Variants in ENPP1 observed in about 807,000 individuals in gnomAD.
ENPP1 encodes the protein ectonucleotide pyrophosphatase/phosphodiesterase family member 1.
Under a neutral mutation model 122.8 loss-of-function variants are expected in ENPP1, and 73 were observed. That is an observed-to-expected ratio of 0.59 (90% CI 0.49 to 0.72). The LOEUF is 0.72. Ranked by LOEUF, ENPP1 falls within the 30% of genes least tolerant of loss-of-function variation. The pLI, the probability that ENPP1 is intolerant of heterozygous loss-of-function variation, is 0.00. For missense variants in ENPP1, 978 were observed against 1,128.1 expected, an observed-to-expected ratio of 0.87 and a Z score of 1.91; for synonymous variants, 367 against 391.6, an observed-to-expected ratio of 0.94 and a Z score of 0.74.
intron 1 of ENPP1, among the ~76,000 whole-genome samples, chr6:131,822,458 A>G (rs1005158403): frequency 6.6e-6 from 1 of 152,158 alleles, no homozygotes; most frequent in Non-Finnish European, 1.5e-5. Context: ...TATTTTCCCC[A>G]TTGCTATAAA....
At chr6:131,849,332 G>A (rs1781852489) in intron 2 of ENPP1, among the ~76,000 whole-genome samples, 1 of 152,108 alleles carries the variant, frequency 6.6e-6, no homozygotes, top group Admixed American at 6.5e-5. Flanking sequence ...AGTAATTGAG[G>A]GGAAGGACAA....
chr6:131,870,850 G>A (rs1466109448), intron 13 of ENPP1, among the ~76,000 whole-genome samples: 5 of 152,234 alleles, frequency 3.3e-5, no homozygotes, highest in South Asian at 4.1e-4. Context: ...AGGCCGAGGC[G>A]GGCGGATCAT....
chr6:131,868,168 TGAA>T, intron 12 of ENPP1, 42 bp downstream of exon 12: 1 of 1,426,896 alleles, frequency 7.0e-7, no homozygotes, highest in Admixed American at 1.7e-5. Context: ...GATAAAGGGC[TGAA>T]GAAAGTTTAC....
At position 131,826,567 on chromosome 6, in the gene ENPP1, T is replaced by A. The variant is rs1465789355; in HGVS notation, c.240+18292T>A. On this transcript the variant is annotated intron_variant, in intron 1 of 24. Transcript: ENST00000647893. The stretch of plus-strand genomic sequence containing the variant: ...TTCCTTTAGGTCTAACTCATGCAAA[T>A]TATTCAGGCTGAAAATGGAGTATGG... 4 of 1,222,778 alleles carry A rather than the reference T, an allele frequency of 3.3e-6. No homozygotes were observed. The African/African-American group carries it at 5.9e-5, about 18-fold the overall frequency. 75.7% of individuals were successfully genotyped at this position (1,222,778 alleles called of 1,614,324 possible).
chr6:131,841,974 C>A (rs912662542), intron 1 of ENPP1, among the ~76,000 whole-genome samples: 1 of 152,112 alleles, frequency 6.6e-6, no homozygotes, highest in African/African-American at 2.4e-5. Flanking sequence ...ACTCCACTGA[C>A]CGCCCGCAGG....
chr6:131,830,955 TAC>T (rs1452612183), intron 1 of ENPP1, among the ~76,000 whole-genome samples: 8 of 151,254 alleles, frequency 5.3e-5, no homozygotes, highest in Non-Finnish European at 1.5e-5. Flanking sequence ...CTACCAAAAA[TAC>T]GGAAAATTAG....
At chr6:131,820,753 C>T (rs1309147389) in intron 1 of ENPP1, 2 of 152,104 alleles carry the variant, frequency 1.3e-5, no homozygotes, top group Non-Finnish European at 2.9e-5. Context: ...GGAGACTTTC[C>T]AAGATCACAA....
intron 10 of ENPP1, 92 bp downstream of exon 10, chr6:131,864,663 G>A: frequency 2.1e-6 from 2 of 941,522 alleles, no homozygotes; most frequent in Non-Finnish European, 3.4e-6. Context: ...TTTGCTATTT[G>A]CTATGATGTT....
chr6:131,888,390 A>G (rs904055624), intron 24 of ENPP1, among the ~76,000 whole-genome samples: 2 of 152,046 alleles, frequency 1.3e-5, no homozygotes, highest in African/African-American at 4.8e-5. Flanking sequence ...AGAGTGCTGT[A>G]TCCACTCATT....
Position 131,890,559 on chromosome 6 carries a change from T to C in ENPP1, c.*48T>C. ...CATGAATCTTTTTGAGAGAACCTTATATTTTATATAGTCCTCTAGCTACAC... is the reference window on the plus strand; with the variant it reads ...CATGAATCTTTTTGAGAGAACCTTACATTTTATATAGTCCTCTAGCTACAC... On this transcript the variant is annotated 3_prime_UTR_variant, in exon 25 of 25. Coordinates refer to ENST00000647893, the MANE Select transcript of ENPP1 (RefSeq NM_006208.3). 1.4e-6 allele frequency: 2 copies of C among 1,442,354 alleles called. No individual in the cohort carries two copies. Among genetic ancestry groups the C allele is most frequent in the Non-Finnish European group, 2.0e-6 (2 of 1,023,856 alleles). The allele number at this position is 1,442,354 out of a possible 1,614,324, so 89.3% of individuals were successfully genotyped here.
chr6:131,823,148 C>A (rs9402346), intron 1 of ENPP1, among the ~76,000 whole-genome samples: 2 of 151,972 alleles, frequency 1.3e-5, no homozygotes, highest in East Asian at 1.9e-4. Context: ...AGAGTAGACC[C>A]TTGCTGGTAG....
At chr6:131,866,584 T>C (rs1392598354) in intron 11 of ENPP1, among the ~76,000 whole-genome samples, 1 of 152,182 alleles carries the variant, frequency 6.6e-6, no homozygotes, top group Non-Finnish European at 1.5e-5. Context: ...ACTATCACCT[T>C]GGATAAAAGA....
At position 131,808,408 on chromosome 6, in the gene ENPP1, C is replaced by G; in HGVS notation, c.240+133C>G. On this transcript the variant is annotated intron_variant, in intron 1 of 24. Transcript: ENST00000647893. ...CATGGTCCGGGAGTGCTTCTTCGCC[C>G]GCGCGCTCTCCTCCGCAGCCTTTGC... The G allele has an allele frequency of 2.5e-6, 3 of 1,179,702 alleles. No homozygotes were observed. The South Asian group carries it at 7.8e-5, about 31-fold the overall frequency. 73.1% of individuals were successfully genotyped at this position (1,179,702 alleles called of 1,614,324 possible).
intron 1 of ENPP1, among the ~76,000 whole-genome samples, chr6:131,841,175 A>G (rs114388609): frequency 3.5e-4 from 54 of 152,332 alleles, no homozygotes; most frequent in African/African-American, 1.1e-3. Flanking sequence ...TAATGCTCCA[A>G]AGTTCTTCAG....
intron 5 of ENPP1, among the ~76,000 whole-genome samples, chr6:131,854,521 G>A (rs1002124074): frequency 6.6e-6 from 1 of 152,110 alleles, no homozygotes; most frequent in African/African-American, 2.4e-5. Flanking sequence ...GGTGGTTCAG[G>A]AAGAATATTT....
chr6:131,851,289 G>A (rs377320746), intron 4 of ENPP1, 22 bp downstream of exon 4: 1 of 1,613,840 alleles, frequency 6.2e-7, no homozygotes, highest in African/African-American at 1.3e-5. Context: ...GTTGGGCTCT[G>A]CAGCAGCCTG....
intron 1 of ENPP1, chr6:131,825,907 A>G: frequency 3.0e-6 from 1 of 332,070 alleles, no homozygotes; most frequent in Non-Finnish European, 5.5e-6. Context: ...TTAACTTAGA[A>G]AATTTTACTT....
At chr6:131,882,570 A>G in intron 21 of ENPP1, 96 bp downstream of exon 21, 2 of 373,122 alleles carry the variant, frequency 5.4e-6, no homozygotes, top group South Asian at 3.7e-5. Context: ...TATATATATT[A>G]CCTATTATAT....
At chr6:131,836,338 T>C (rs888849168) in intron 1 of ENPP1, among the ~76,000 whole-genome samples, 1 of 152,144 alleles carries the variant, frequency 6.6e-6, no homozygotes, top group Non-Finnish European at 1.5e-5. Context: ...GGTCTTGAAC[T>C]CCTGACCTCA....
Sources: gnomAD v4.1 joint callset for allele counts (sites outside exome capture counted in the v4.1 genomes callset) on GRCh38, gnomAD v4.1.1 for gene constraint, MANE v1.5 for transcripts, NCBI Gene and HGNC (gene_info 2026-07-23, HGNC 2026-07-21) for gene names.